ZHX2: variants seen among roughly 807,000 people sequenced by gnomAD.
ZHX2 encodes zinc fingers and homeoboxes protein 2.
ZHX2 carries 6 observed loss-of-function variants against 21.9 expected under a neutral mutation model. That is an observed-to-expected ratio of 0.27 (90% confidence interval 0.15 to 0.54). ZHX2 has a LOEUF of 0.54. Among genes scored for constraint, ZHX2 ranks in the 20% least tolerant of loss-of-function variants. The pLI is 0.95. For synonymous variants in ZHX2, 434 were observed against 437.1 expected (o/e 0.99, Z 0.09); for missense variants, 908 against 1,090.7 (o/e 0.83, Z 2.36).
At chr8:122,908,034 T>A (rs1820387516) in intron 2 of ZHX2, among the ~76,000 whole-genome samples, 1 of 152,170 alleles carries the variant, frequency 6.6e-6, no homozygotes, top group Admixed American at 6.5e-5. Flanking sequence ...CCTGCGTACA[T>A]CCTTGCCCTG....
intron 3 of ZHX2, among the ~76,000 whole-genome samples, chr8:122,956,755 A>G (rs757650207): frequency 6.6e-6 from 1 of 152,230 alleles, no homozygotes; most frequent in Non-Finnish European, 1.5e-5. Context: ...GAATTTGAAT[A>G]GAAAGATGCT....
intron 1 of ZHX2, among the ~76,000 whole-genome samples, chr8:122,843,429 G>A (rs548713226): frequency 9.5e-4 from 145 of 152,324 alleles, no homozygotes; most frequent in African/African-American, 3.1e-3. Flanking sequence ...TCAGACAGGG[G>A]TCATTACCCA....
intron 2 of ZHX2, among the ~76,000 whole-genome samples, chr8:122,917,276 G>A (rs977708855): frequency 2.0e-4 from 30 of 152,096 alleles, no homozygotes; most frequent in East Asian, 5.8e-4. Context: ...AAAAGGCACC[G>A]AGAAACCATT....
chr8:122,887,050 CGT>C (rs10549696), intron 2 of ZHX2, among the ~76,000 whole-genome samples: 22,130 of 135,922 alleles, frequency 0.16, 1,825 homozygotes, highest in East Asian at 0.26. Flanking sequence ...GCTCTGCCAC[CGT>C]GTGTGTGTGT....
chr8:122,870,930 A>G (rs1344799433), intron 2 of ZHX2, among the ~76,000 whole-genome samples: 1 of 152,208 alleles, frequency 6.6e-6, no homozygotes, highest in Non-Finnish European at 1.5e-5. Flanking sequence ...TGAGAATCTA[A>G]GAGACTGATC....
At chr8:122,883,622 G>GA (rs200318396) in intron 2 of ZHX2, among the ~76,000 whole-genome samples, 4,756 of 144,184 alleles carry the variant, frequency 0.033, 111 homozygotes, top group Non-Finnish European at 0.049. Flanking sequence ...CTCAACACTG[G>GA]AAAAAAAAAG....
At chr8:122,791,198 C>T (rs1230009305) in intron 1 of ZHX2, among the ~76,000 whole-genome samples, 5 of 152,230 alleles carry the variant, frequency 3.3e-5, no homozygotes, top group South Asian at 2.1e-4. Context: ...TCCTCACCCA[C>T]GATTTTCCCC....
intron 2 of ZHX2, among the ~76,000 whole-genome samples, chr8:122,894,992 C>A (rs1420605346): frequency 1.3e-5 from 2 of 152,132 alleles, no homozygotes. Flanking sequence ...GTCTGACTGA[C>A]CCCCAGGCAG....
At chr8:122,916,694 A>G (rs1457044179) in intron 2 of ZHX2, among the ~76,000 whole-genome samples, 1 of 152,152 alleles carries the variant, frequency 6.6e-6, no homozygotes, top group Non-Finnish European at 1.5e-5. Context: ...CAGTGAAAGA[A>G]AAAGGAGCGT....
chr8:122,784,314 T>G (rs1817352463), intron 1 of ZHX2, among the ~76,000 whole-genome samples: 2 of 152,268 alleles, frequency 1.3e-5, no homozygotes, highest in Non-Finnish European at 2.9e-5. Flanking sequence ...CTTTATCATT[T>G]AATTCTCACC....
At chr8:122,831,788 T>C (rs1818384276) in intron 1 of ZHX2, among the ~76,000 whole-genome samples, 1 of 152,226 alleles carries the variant, frequency 6.6e-6, no homozygotes, top group South Asian at 2.1e-4. Flanking sequence ...GATACCCCGT[T>C]CTTTCCAGAT....
At chr8:122,834,633 G>C (rs1818456402) in intron 1 of ZHX2, among the ~76,000 whole-genome samples, 1 of 152,216 alleles carries the variant, frequency 6.6e-6, no homozygotes, top group South Asian at 2.1e-4. Context: ...TCTCATTGTG[G>C]GGTTTGAGGG....
intron 1 of ZHX2, among the ~76,000 whole-genome samples, chr8:122,806,166 G>T (rs748002897): frequency 6.6e-6 from 1 of 152,146 alleles, no homozygotes; most frequent in Admixed American, 6.5e-5. Context: ...AGTCACTTTC[G>T]ATGGCATTAA....
In ZHX2 at chr8:122,861,848, A is replaced by C. The variant is rs151176001; in HGVS notation, c.-282-1629A>C. Reference sequence around the variant, plus strand: ...TTCTAAGCTATGAAGGACTTTGGAGAGTATTGTTCTTCTCGCAGGTCAGTG... The same window carrying C: ...TTCTAAGCTATGAAGGACTTTGGAGCGTATTGTTCTTCTCGCAGGTCAGTG... On this transcript the variant is annotated intron_variant, in intron 1 of 3. Transcript: ENST00000314393. Among the ~76,000 whole-genome samples, 9 of 152,208 alleles carry C rather than the reference A, an allele frequency of 5.9e-5. No individual in the cohort carries two copies. The East Asian group carries it at 1.5e-3, about 26-fold the overall frequency.
At chr8:122,869,288 G>T (rs916977162) in intron 2 of ZHX2, among the ~76,000 whole-genome samples, 2 of 151,828 alleles carry the variant, frequency 1.3e-5, no homozygotes, top group Non-Finnish European at 2.9e-5. Context: ...CCGTAGTGTG[G>T]CTGCCCTGTG....
intron 2 of ZHX2, among the ~76,000 whole-genome samples, chr8:122,916,966 A>G (rs184920046): frequency 3.3e-5 from 5 of 151,914 alleles, no homozygotes; most frequent in African/African-American, 1.2e-4. Flanking sequence ...TTCAAGACCC[A>G]CATTCACAAC....
chr8:122,908,671 C>T (rs547902737), intron 2 of ZHX2, among the ~76,000 whole-genome samples: 3 of 152,244 alleles, frequency 2.0e-5, no homozygotes, highest in East Asian at 3.9e-4. Flanking sequence ...CTTTCTCATG[C>T]CCACTCAGCA....
chr8:122,952,371 G>C lies in ZHX2; in HGVS notation c.861G>C (p.Pro287=). Residue 287 remains proline (P), a synonymous_variant, in exon 3 of 4, where the codon CCG becomes CCC. Coordinates refer to ENST00000314393, the MANE Select transcript of ZHX2 (RefSeq NM_014943.5). This position sits in a 1 kb window ranked among gnomAD's most constrained non-coding sequence, Gnocchi z 6.9. ...MINSFNKFPY[P]TQAELSWLTA... ...ACTCTTTCAACAAGTTTCCTTACCC[G>C]ACCCAGGCTGAGTTGTCCTGGCTGA... 6.2e-7 allele frequency: 1 copy of C among 1,614,040 alleles called. No individual in the cohort carries two copies. The highest frequency in any genetic ancestry group is 8.5e-7 in the Non-Finnish European group (1 of 1,180,032).
At chr8:122,965,518 G>A (rs528837627) in intron 3 of ZHX2, among the ~76,000 whole-genome samples, 76 of 152,256 alleles carry the variant, frequency 5.0e-4, no homozygotes, top group Middle Eastern at 3.4e-3. Flanking sequence ...GAGAGTACTT[G>A]ATATAATTTC....
Sources: gnomAD v4.1 joint callset for allele counts (sites outside exome capture counted in the v4.1 genomes callset) on GRCh38, gnomAD v4.1.1 for gene constraint, Gnocchi (gnomAD v3.1) non-coding constraint, MANE v1.5 for transcripts, NCBI Gene and HGNC (gene_info 2026-07-23, HGNC 2026-07-21) for gene names.